Variants in NBAS observed in about 807,000 individuals in gnomAD.
NBAS encodes NAG/BC035112 fusion.
Under a neutral mutation model 302.5 loss-of-function variants are expected in NBAS, and 219 were observed. The ratio of observed to expected loss-of-function variants is 0.72; its 90% confidence interval spans 0.65 to 0.81. The LOEUF is 0.81. Among genes scored for constraint, NBAS ranks in the 30% least tolerant of loss-of-function variants. The probability of loss-of-function intolerance (pLI) is 0.00; values close to 1 mark genes in which losing one functional copy is unlikely to be tolerated. For synonymous variants in NBAS, 1,118 were observed against 1,021.6 expected, an observed-to-expected ratio of 1.09 and a Z score of -1.80; for missense variants, 2,932 against 2,841.6, an observed-to-expected ratio of 1.03 and a Z score of -0.72.
chr2:15,250,779 G>A (rs945683219), intron 44 of NBAS, among the ~76,000 whole-genome samples: 1 of 152,150 alleles, frequency 6.6e-6, no homozygotes, highest in Non-Finnish European at 1.5e-5. Context: ...ATGCCGGTTA[G>A]AATGGCAATC....
At chr2:15,077,676 C>CTTTCTTTTTT in the NBAS span, among the ~76,000 whole-genome samples, 4,234 of 146,742 alleles carry the variant, frequency 0.029, 170 homozygotes, top group East Asian at 0.094. Flanking sequence ...TCTTTTCTTT[C>CTTTCTTTTTT]TTTCTTTTTT....
intron 25 of NBAS, among the ~76,000 whole-genome samples, chr2:15,410,462 C>CA (rs201955238): frequency 0.014 from 2,073 of 147,912 alleles, 32 homozygotes; most frequent in East Asian, 0.06. Context: ...AGTGTTAGGG[C>CA]AAAAAAAAAA....
At chr2:15,256,220 T>A (rs1668584958) in intron 44 of NBAS, among the ~76,000 whole-genome samples, 1 of 152,228 alleles carries the variant, frequency 6.6e-6, no homozygotes, top group African/African-American at 2.4e-5. Flanking sequence ...CTGTCATTTA[T>A]GATTTCTTTC....
intron 19 of NBAS, among the ~76,000 whole-genome samples, chr2:15,463,978 T>C (rs1679619438): frequency 6.6e-6 from 1 of 152,028 alleles, no homozygotes; most frequent in Non-Finnish European, 1.5e-5. Flanking sequence ...AAATATTTAG[T>C]GAAAGAGAGA....
At chr2:15,003,373 C>G in the NBAS span, among the ~76,000 whole-genome samples, 1 of 152,170 alleles carries the variant, frequency 6.6e-6, no homozygotes, top group Non-Finnish European at 1.5e-5. Context: ...GATAAATACA[C>G]AGGGAGTGCT....
Position 15,394,212 on chromosome 2 carries a change from AATTTT to A in NBAS, c.3257+10_3257+14del. 6.3e-7 allele frequency: 1 copy of A among 1,576,912 alleles called. No homozygotes were observed. Among genetic ancestry groups the A allele is most frequent in the Non-Finnish European group, 8.6e-7 (1 of 1,158,652 alleles). ...AAATTAATTGACCCAAGTATCAATT[AATTTT>A]ATTACTCACTTCCGGCCAGTGTGCC... is the stretch of plus-strand genomic sequence containing the variant. On this transcript the variant is annotated intron_variant, in intron 28 of 51. Transcript: ENST00000281513.
At chr2:15,547,781 A>G (rs1664185484) in intron 6 of NBAS, among the ~76,000 whole-genome samples, 1 of 152,170 alleles carries the variant, frequency 6.6e-6, no homozygotes, top group South Asian at 2.1e-4. Context: ...TCTTCTGGCA[A>G]CTTCTTGACC....
the NBAS span, among the ~76,000 whole-genome samples, chr2:15,021,239 T>A: frequency 2.0e-5 from 3 of 148,900 alleles, no homozygotes; most frequent in African/African-American, 7.4e-5. Context: ...AGACCTTGTC[T>A]AAAAAAAAAA....
chr2:15,308,279 A>ATAG lies in NBAS; in HGVS notation c.4731_4733dup (p.Tyr1578dup). ...CCAATCGGGCATAGATCTGGAGGCT[A>ATAG]TAGTAATACGCTGCCAGCTGGAGAG... On this transcript the variant is annotated inframe_insertion, in exon 40 of 52. Transcript: ENST00000281513. 6.2e-7 allele frequency: 1 copy of ATAG among 1,614,214 alleles called. No individual in the cohort carries two copies. Among genetic ancestry groups the ATAG allele is most frequent in the African/African-American group, 1.3e-5 (1 of 75,066 alleles).
At chr2:15,472,185 A>T (rs1679988708) in intron 16 of NBAS, among the ~76,000 whole-genome samples, 1 of 152,174 alleles carries the variant, frequency 6.6e-6, no homozygotes, top group African/African-American at 2.4e-5. Flanking sequence ...TGGGTGCTGG[A>T]GGGCCACTGC....
intron 44 of NBAS, 81 bp from the exon 45 acceptor site, chr2:15,238,767 A>G: frequency 1.6e-6 from 2 of 1,283,706 alleles, no homozygotes; most frequent in Non-Finnish European, 2.1e-6. Flanking sequence ...GAGTTAGAAC[A>G]AAAGTGAAAT....
At chr2:15,075,814 A>G in the NBAS span, among the ~76,000 whole-genome samples, 1 of 152,196 alleles carries the variant, frequency 6.6e-6, no homozygotes, top group Non-Finnish European at 1.5e-5. Context: ...AGAAGGATAC[A>G]CAGAAAACGG....
At chr2:15,266,107 G>A (rs115158842) in intron 44 of NBAS, among the ~76,000 whole-genome samples, 3,551 of 152,264 alleles carry the variant, frequency 0.023, 59 homozygotes, top group Non-Finnish European at 0.035. Context: ...GGTTTTAGAA[G>A]GGGCTTCCCC....
chr2:14,975,582 T>C, the NBAS span, among the ~76,000 whole-genome samples: 2 of 152,204 alleles, frequency 1.3e-5, no homozygotes, highest in Non-Finnish European at 2.9e-5. Flanking sequence ...CATATGAGCA[T>C]GGTCTCATTT....
the NBAS span, among the ~76,000 whole-genome samples, chr2:14,941,141 C>A: frequency 3.3e-5 from 5 of 152,160 alleles, no homozygotes; most frequent in Admixed American, 3.3e-4. Flanking sequence ...ACAAAACTTC[C>A]ATTCATGAAT....
At chr2:14,786,872 A>ACCAAT in the NBAS span, among the ~76,000 whole-genome samples, 2 of 152,034 alleles carry the variant, frequency 1.3e-5, no homozygotes, top group Admixed American at 6.5e-5. Context: ...ATTCCTGGGT[A>ACCAAT]TCCTTGTTAA....
intron 48 of NBAS, among the ~76,000 whole-genome samples, chr2:15,193,623 GAGA>G (rs1665468657): frequency 6.6e-6 from 1 of 151,906 alleles, no homozygotes; most frequent in Non-Finnish European, 1.5e-5. Flanking sequence ...TTGAATTTTT[GAGA>G]AGAAAATGGG....
chr2:14,988,680 C>G, the NBAS span, among the ~76,000 whole-genome samples: 6 of 152,078 alleles, frequency 3.9e-5, no homozygotes, highest in African/African-American at 1.4e-4. Flanking sequence ...AACTGGTAAA[C>G]AGATATTTTT....
the NBAS span, among the ~76,000 whole-genome samples, chr2:15,113,650 C>T: frequency 0.011 from 1,675 of 152,084 alleles, 13 homozygotes; most frequent in Non-Finnish European, 0.017. Context: ...TTCTTAAATC[C>T]GTAAGTTTAC....
Sources: allele counts gnomAD v4.1 joint callset (sites outside exome capture counted in the v4.1 genomes callset), GRCh38; gene constraint gnomAD v4.1.1; transcripts MANE v1.5; gene names NCBI Gene and HGNC (gene_info 2026-07-23, HGNC 2026-07-21).